NPAS3: variants seen among roughly 807,000 people sequenced by gnomAD.
The protein encoded by NPAS3 is neuronal PAS domain-containing protein 3.
A neutral mutation model predicts 73.1 loss-of-function variants in NPAS3; 14 were observed. The ratio of observed to expected loss-of-function variants is 0.19; its 90% CI spans 0.13 to 0.30. The LOEUF (loss-of-function observed/expected upper bound fraction) is 0.30, where lower values mean the gene tolerates loss of function less well. Ranked by LOEUF, NPAS3 falls within the 10% of genes least tolerant of loss-of-function variation. The probability of loss-of-function intolerance (pLI) is 1.00; values close to 1 mark genes in which losing one functional copy is unlikely to be tolerated. For missense variants in NPAS3, 1,096 were observed against 1,250.0 expected (o/e 0.88, Z 1.86); for synonymous variants, 620 against 541.5 (o/e 1.14, Z -2.01).
rs144818259 is a variant in NPAS3 at position 33,750,173 on chromosome 14, G to A, written c.852+14841G>A. ...CCAAACAGTGAGGCGTTGTCAAGAA[G>A]GGATATGTTGGATGCTTGGGTTATG... On this transcript the variant is annotated intron_variant, in intron 7 of 11. Coordinates refer to ENST00000356141, the Ensembl canonical transcript of NPAS3. Among the ~76,000 whole-genome samples, 5 of 151,824 alleles carry A rather than the reference G, an allele frequency of 3.3e-5. No individual in the cohort carries two copies. The East Asian group carries it at 9.7e-4, about 29-fold the overall frequency.
At chr14:33,333,959 A>T (rs967911861) in intron 3 of NPAS3, among the ~76,000 whole-genome samples, 2 of 152,098 alleles carry the variant, frequency 1.3e-5, no homozygotes, top group Non-Finnish European at 2.9e-5. Flanking sequence ...TCCCCTGGAA[A>T]ATTTTGAATC....
rs373678673 is a variant in NPAS3 at position 33,775,260 on chromosome 14, G to A, written c.1046+730G>A. Among the ~76,000 whole-genome samples, 320 of 152,290 alleles carry A rather than the reference G, an allele frequency of 2.1e-3. 1 individual carries two copies. The highest frequency in any genetic ancestry group is 7.4e-3 in the African/African-American group (309 of 41,570). On this transcript the variant is annotated intron_variant, in intron 8 of 11. Transcript: ENST00000356141. ...TTGGAAGAGGAAACCATGGGGTGCA[G>A]GGAGGGCCGTGGAGAGGAGCCGCCC...
intron 2 of NPAS3, among the ~76,000 whole-genome samples, chr14:33,179,152 C>A (rs889945964): frequency 3.9e-5 from 6 of 151,900 alleles, no homozygotes; most frequent in African/African-American, 1.2e-4. Flanking sequence ...TGGGATAAAT[C>A]CTACTTGGTC....
chr14:33,251,047 A>G (rs1240646353), intron 3 of NPAS3, among the ~76,000 whole-genome samples: 1 of 152,158 alleles, frequency 6.6e-6, no homozygotes, highest in African/African-American at 2.4e-5. Context: ...AGAAACAGAT[A>G]GCTGGTGTTC....
intron 2 of NPAS3, among the ~76,000 whole-genome samples, chr14:33,170,825 A>G (rs1387696731): frequency 6.6e-6 from 1 of 152,176 alleles, no homozygotes; most frequent in Non-Finnish European, 1.5e-5. Flanking sequence ...GACTACCTTC[A>G]CTGGAGTTTT....
At chr14:33,075,863 T>A (rs372136389) in intron 2 of NPAS3, among the ~76,000 whole-genome samples, 3 of 152,244 alleles carry the variant, frequency 2.0e-5, no homozygotes, top group African/African-American at 7.2e-5. Context: ...CATATTTTGT[T>A]CATTGGTAGG....
At chr14:33,726,335 G>T (rs941807212) in intron 6 of NPAS3, among the ~76,000 whole-genome samples, 4 of 152,124 alleles carry the variant, frequency 2.6e-5, no homozygotes, top group African/African-American at 9.7e-5. Context: ...ATACACTGAA[G>T]GCAAATCACT....
chr14:33,018,384 G>C (rs558000427), intron 1 of NPAS3, among the ~76,000 whole-genome samples: 6 of 152,138 alleles, frequency 3.9e-5, no homozygotes, highest in East Asian at 3.9e-4. Flanking sequence ...AAAGTGGGAT[G>C]GTCTTTTCAG....
chr14:33,069,111 G>T (rs2041389000), intron 2 of NPAS3, among the ~76,000 whole-genome samples: 1 of 152,296 alleles, frequency 6.6e-6, no homozygotes, highest in Non-Finnish European at 1.5e-5. Flanking sequence ...TTAGCTCAGA[G>T]GCTATCAGCA....
intron 4 of NPAS3, among the ~76,000 whole-genome samples, chr14:33,430,599 C>T (rs1444033008): frequency 2.0e-5 from 3 of 152,130 alleles, no homozygotes; most frequent in African/African-American, 7.2e-5. Context: ...AGTTTGAAAG[C>T]ACTGATTTTG....
intron 3 of NPAS3, among the ~76,000 whole-genome samples, chr14:33,313,811 A>C (rs2043100409): frequency 6.6e-6 from 1 of 152,092 alleles, no homozygotes; most frequent in South Asian, 2.1e-4. Context: ...TGGGATTTCG[A>C]AAATAGCAAT....
In NPAS3 at chr14:33,176,873, C is replaced by G. The variant is rs553782384; in HGVS notation, c.141-38309C>G. ...GGTTTCAGTTTCTCCATATCCTTGCCAAGACTTGTTATTTTTCTTTTTTCT... is the reference window on the plus strand; with the variant it reads ...GGTTTCAGTTTCTCCATATCCTTGCGAAGACTTGTTATTTTTCTTTTTTCT... On this transcript the variant is annotated intron_variant, in intron 2 of 11. Transcript: ENST00000356141. Among the ~76,000 whole-genome samples the G allele has an allele frequency of 5.3e-5, 8 of 152,010 alleles. No individual in the cohort carries two copies. The South Asian group carries it at 1.7e-3, about 32-fold the overall frequency.
chr14:33,415,186 T>C (rs1378777507), intron 4 of NPAS3, among the ~76,000 whole-genome samples: 2 of 152,118 alleles, frequency 1.3e-5, no homozygotes, highest in South Asian at 2.1e-4. Flanking sequence ...AAAGAGTTTA[T>C]CTGCAATTTT....
intron 4 of NPAS3, among the ~76,000 whole-genome samples, chr14:33,530,624 TA>T (rs2053997371): frequency 6.6e-6 from 1 of 152,144 alleles, no homozygotes; most frequent in Non-Finnish European, 1.5e-5. Context: ...AGCTTTTCAT[TA>T]CTAAGAAGCA....
At chr14:33,437,419 A>T (rs2049035527) in intron 4 of NPAS3, among the ~76,000 whole-genome samples, 1 of 152,184 alleles carries the variant, frequency 6.6e-6, no homozygotes, top group African/African-American at 2.4e-5. Flanking sequence ...GTTAAGAAGG[A>T]CATGACTTAT....
chr14:33,475,830 C>A (rs1303227091), intron 4 of NPAS3, among the ~76,000 whole-genome samples: 1 of 152,158 alleles, frequency 6.6e-6, no homozygotes, highest in Non-Finnish European at 1.5e-5. Context: ...TGTGTTACTT[C>A]ACCCTGGCAT....
intron 3 of NPAS3, among the ~76,000 whole-genome samples, chr14:33,286,743 T>G (rs1439485373): frequency 3.3e-5 from 5 of 152,192 alleles, no homozygotes; most frequent in Non-Finnish European, 7.3e-5. Flanking sequence ...CAGTTTCTTA[T>G]AGCCTTCTCC....
At chr14:33,660,803 GTC>G (rs1267483696) in intron 5 of NPAS3, among the ~76,000 whole-genome samples, 1 of 152,044 alleles carries the variant, frequency 6.6e-6, no homozygotes, top group Admixed American at 6.6e-5. Flanking sequence ...TGTTTTATTC[GTC>G]TCTGTTTTCG....
chr14:33,600,507 A>G (rs972880004), intron 5 of NPAS3, among the ~76,000 whole-genome samples: 6 of 152,228 alleles, frequency 3.9e-5, no homozygotes, highest in Non-Finnish European at 8.8e-5. Context: ...ATAGAATTGT[A>G]TATAGAATAA....
Sources: allele counts gnomAD v4.1 joint callset (sites outside exome capture counted in the v4.1 genomes callset), GRCh38; gene constraint gnomAD v4.1.1; transcripts MANE v1.5; gene names NCBI Gene and HGNC (gene_info 2026-07-23, HGNC 2026-07-21).